Variants in GJA1 observed in about 807,000 individuals in gnomAD.
GJA1 encodes gap junction protein alpha 1, also known as gap junction alpha-1 protein.
A neutral mutation model predicts 31.0 loss-of-function variants in GJA1; 9 were observed. The ratio of observed to expected loss-of-function variants is 0.29; its 90% CI spans 0.17 to 0.51. The LOEUF (loss-of-function observed/expected upper bound fraction) is 0.51. GJA1 is among the 20% of genes least tolerant of loss of function. GJA1 has a pLI of 0.98. For synonymous variants in GJA1, 186 were observed against 180.1 expected (o/e 1.03, Z -0.26); for missense variants, 278 against 468.8 (o/e 0.59, Z 3.76).
chr6:121,438,051 A>T (rs776956409), intron 1 of GJA1, among the ~76,000 whole-genome samples: 7 of 152,136 alleles, frequency 4.6e-5, no homozygotes, highest in Admixed American at 1.3e-4. Flanking sequence ...TTGGGAGAAG[A>T]CTAATTACTT....
intron 1 of GJA1, among the ~76,000 whole-genome samples, chr6:121,441,486 G>A (rs945900019): frequency 1.3e-5 from 2 of 152,170 alleles, no homozygotes; most frequent in African/African-American, 4.8e-5. Context: ...TCTCATGGAA[G>A]GAGGTACATA....
intron 1 of GJA1, among the ~76,000 whole-genome samples, chr6:121,445,047 CCTGAGAACCT>C (rs761238977): frequency 3.3e-5 from 5 of 152,148 alleles, no homozygotes; most frequent in African/African-American, 9.7e-5. Flanking sequence ...TTTCCTATAC[CCTGAGAACCT>C]CTGAGAACCT....
intron 1 of GJA1, among the ~76,000 whole-genome samples, chr6:121,438,250 C>G (rs1773702546): frequency 6.6e-6 from 1 of 152,204 alleles, no homozygotes; most frequent in Non-Finnish European, 1.5e-5. Flanking sequence ...CTACTTTCTT[C>G]ACTGTTTAAA....
intron 1 of GJA1, among the ~76,000 whole-genome samples, chr6:121,443,621 CTA>C (rs1267126378): frequency 1.3e-5 from 2 of 152,070 alleles, no homozygotes; most frequent in Non-Finnish European, 2.9e-5. Flanking sequence ...TAAATAAAGA[CTA>C]TACTTTCAGG....
In GJA1 at chr6:121,447,886, C is replaced by A. The variant is rs184583316; in HGVS notation, c.1039C>A (p.Leu347Ile). The A allele has an allele frequency of 3.3e-5, 53 of 1,613,862 alleles. No homozygotes were observed. In the African/African-American group the frequency reaches 6.3e-4, roughly 19 times the overall value. Reference sequence around the variant, plus strand: ...CGATGATAACCAGAATTCTAAAAAACTAGCTGCTGGACATGAATTACAGCC... The same window carrying A: ...CGATGATAACCAGAATTCTAAAAAAATAGCTGCTGGACATGAATTACAGCC... The part of the protein sequence containing the change: ...FPDDNQNSKK[L>I]AAGHELQPLA... The change falls in exon 2 of 2, where the codon CTA becomes ATA. Residue 347 changes from leucine to isoleucine, a missense_variant. By Grantham distance (5) the Leu-to-Ile change is conservative (BLOSUM62 2). Around this residue, in one of 3 missense-constraint regions of GJA1, gnomAD observed 172 missense variants for 190.9 expected, o/e 0.90. Coordinates refer to ENST00000282561, the MANE Select transcript of GJA1 (RefSeq NM_000165.5).
chr6:121,438,958 A>G (rs1042422719), intron 1 of GJA1, among the ~76,000 whole-genome samples: 6 of 151,934 alleles, frequency 3.9e-5, no homozygotes, highest in Non-Finnish European at 4.4e-5. Context: ...TAAATTTCAC[A>G]TTCCAATTTC....
At chr6:121,439,827 G>T (rs142306277) in intron 1 of GJA1, among the ~76,000 whole-genome samples, 160 of 152,176 alleles carry the variant, frequency 1.1e-3, no homozygotes, top group African/African-American at 3.7e-3. Context: ...ACACAAATGT[G>T]CAATTATTTA....
chr6:121,443,749 T>C (rs1773837544), intron 1 of GJA1, among the ~76,000 whole-genome samples: 1 of 152,234 alleles, frequency 6.6e-6, no homozygotes, highest in African/African-American at 2.4e-5. Context: ...TAAAATAACT[T>C]CTGTTCTGCC....
intron 1 of GJA1, among the ~76,000 whole-genome samples, chr6:121,441,494 A>G (rs1773780690): frequency 6.6e-6 from 1 of 152,206 alleles, no homozygotes; most frequent in Non-Finnish European, 1.5e-5. Flanking sequence ...AAGGAGGTAC[A>G]TAGTAATCAG....
chr6:121,447,333 G>A lies in GJA1; in HGVS notation c.486G>A (p.Lys162=). The change falls in exon 2 of 2, where the codon AAG becomes AAA. Residue 162 remains lysine, a synonymous_variant. Transcript: ENST00000282561. The stretch of plus-strand genomic sequence containing the variant: ...CCTACATCATCAGTATCCTCTTCAA[G>A]TCTATCTTTGAGGTGGCCTTCTTGC... The part of the protein sequence containing the change: ...LRTYIISILF[K]SIFEVAFLLI... 6.2e-7 allele frequency: 1 copy of A among 1,614,100 alleles called. No homozygotes were observed. Among genetic ancestry groups the A allele is most frequent in the South Asian group, 1.1e-5 (1 of 91,084 alleles).
chr6:121,440,029 C>T (rs146821774), intron 1 of GJA1, among the ~76,000 whole-genome samples: 41 of 152,276 alleles, frequency 2.7e-4, no homozygotes, highest in Non-Finnish European at 4.9e-4. Context: ...ATATCAACTG[C>T]TGCTCTTCCC....
chr6:121,445,620 C>T (rs1273099515), intron 1 of GJA1, among the ~76,000 whole-genome samples: 3 of 152,122 alleles, frequency 2.0e-5, no homozygotes, highest in African/African-American at 7.2e-5. Flanking sequence ...GGAGAAAACA[C>T]CCTGAAGTAG....
At chr6:121,442,634 A>G (rs1460089005) in intron 1 of GJA1, among the ~76,000 whole-genome samples, 1 of 152,210 alleles carries the variant, frequency 6.6e-6, no homozygotes, top group Non-Finnish European at 1.5e-5. Flanking sequence ...CACCAAAAAA[A>G]CCTTACTTCC....
chr6:121,446,727 A>G (rs1773895859), intron 1 of GJA1, 105 bp from the exon 2 acceptor site: 1 of 825,516 alleles, frequency 1.2e-6, no homozygotes, highest in Admixed American at 1.8e-5. Flanking sequence ...TGTTAGAAAT[A>G]CGTGAAACCG....
At chr6:121,445,304 C>T (rs973723844) in intron 1 of GJA1, among the ~76,000 whole-genome samples, 1 of 152,174 alleles carries the variant, frequency 6.6e-6, no homozygotes, top group African/African-American at 2.4e-5. Context: ...CACCACCACA[C>T]CTGGCTAATT....
rs1773649445 is a variant in GJA1, at chr6:121,435,737, A to G, written c.-112A>G. 1.3e-5 allele frequency: 2 copies of G among 152,246 alleles called. No homozygotes were observed. Among genetic ancestry groups the G allele is most frequent in the African/African-American group, 4.8e-5 (2 of 41,468 alleles). 9.4% of individuals were successfully genotyped at this position (152,246 alleles called of 1,614,324 possible). ...AGCAGCGGAGTTTTAAACTTTAAAT[A>G]GACAGGTCTGAGTGCCTGAACTTGC... On this transcript the variant is annotated 5_prime_UTR_variant, in exon 1 of 2. In the 5' UTR this introduces an upstream ATG that the reference lacks. Transcript: ENST00000282561.
intron 1 of GJA1, among the ~76,000 whole-genome samples, chr6:121,440,828 GC>G (rs1228697661): frequency 3.3e-5 from 5 of 151,974 alleles, no homozygotes; most frequent in Non-Finnish European, 5.9e-5. Flanking sequence ...TGCAGCCTCC[GC>G]CTCCCGGGTT....
intron 1 of GJA1, among the ~76,000 whole-genome samples, chr6:121,440,699 A>T (rs1773759251): frequency 6.6e-6 from 1 of 151,036 alleles, no homozygotes; most frequent in Non-Finnish European, 1.5e-5. Flanking sequence ...GCCCCATTTA[A>T]TTCATTTAAC....
chr6:121,438,445 A>C (rs1773706071), intron 1 of GJA1, among the ~76,000 whole-genome samples: 1 of 152,168 alleles, frequency 6.6e-6, no homozygotes, highest in South Asian at 2.1e-4. Flanking sequence ...TGTTACTTAG[A>C]TGTTTCCAAT....
Sources: allele counts gnomAD v4.1 joint callset (sites outside exome capture counted in the v4.1 genomes callset), GRCh38; gene constraint gnomAD v4.1.1; regional missense constraint gnomAD v4.1.1; transcripts MANE v1.5; gene names NCBI Gene and HGNC (gene_info 2026-07-23, HGNC 2026-07-21).